The following KTN1 variants were observed in gnomAD, a reference collection of about 807,000 sequenced individuals.
KTN1 encodes kinectin 1.
Under a neutral mutation model 222.5 loss-of-function variants are expected in KTN1, and 130 were observed. The observed-to-expected ratio is 0.58, with a 90% CI of 0.51 to 0.68. KTN1 has a LOEUF of 0.68. Among genes scored for constraint, KTN1 ranks in the 30% least tolerant of loss-of-function variants. The pLI is 0.00. For missense variants in KTN1, 1,508 were observed against 1,500.4 expected (o/e 1.01, Z -0.08); for synonymous variants, 512 against 496.3 (o/e 1.03, Z -0.42).
intron 29 of KTN1, among the ~76,000 whole-genome samples, chr14:55,657,125 T>C (rs1181344334): frequency 1.3e-5 from 2 of 152,212 alleles, no homozygotes; most frequent in Non-Finnish European, 2.9e-5. Context: ...CTCCCTCTCA[T>C]GTAGGTTCAT....
At chr14:55,583,650 T>C (rs1356598257) in intron 1 of KTN1, among the ~76,000 whole-genome samples, 1 of 152,226 alleles carries the variant, frequency 6.6e-6, no homozygotes, top group East Asian at 1.9e-4. Flanking sequence ...AGTCCTTGTT[T>C]CACTTTTCTT....
intron 29 of KTN1, among the ~76,000 whole-genome samples, chr14:55,657,685 T>C (rs1682334677): frequency 6.6e-6 from 1 of 151,942 alleles, no homozygotes; most frequent in African/African-American, 2.4e-5. Flanking sequence ...CTGAGACAGG[T>C]GGATCTCTTG....
rs773454931 is a variant in KTN1 at position 55,637,809 on chromosome 14, G to T, written c.1747G>T (p.Ala583Ser). The T allele has an allele frequency of 6.2e-7, 1 of 1,611,260 alleles. No homozygotes were observed. Among genetic ancestry groups the T allele is most frequent in the South Asian group, 1.1e-5 (1 of 90,676 alleles). ...DILEQNEALK[A>S]QIQQFHSQIA... ...TTTGGAGCAGAATGAGGCTTTGAAAGCTCAAATTCAGCAGTTCCATTCCCA... is the reference window on the plus strand; with the variant it reads ...TTTGGAGCAGAATGAGGCTTTGAAATCTCAAATTCAGCAGTTCCATTCCCA... The change falls in exon 12 of 44, where the codon GCT (alanine) becomes TCT (serine). Residue 583 changes from alanine (A) to serine (S), a missense_variant. Coordinates refer to ENST00000395314, the MANE Select transcript of KTN1 (RefSeq NM_001079521.2).
chr14:55,617,789 G>C (rs2038595937), intron 3 of KTN1, among the ~76,000 whole-genome samples, 175 bp from the exon 4 acceptor site: 1 of 152,234 alleles, frequency 6.6e-6, no homozygotes, highest in Middle Eastern at 3.4e-3. Flanking sequence ...AGCTGGTACG[G>C]CTTCATTAGA....
At chr14:55,582,966 A>G (rs2032072978) in intron 1 of KTN1, among the ~76,000 whole-genome samples, 1 of 152,208 alleles carries the variant, frequency 6.6e-6, no homozygotes, top group Non-Finnish European at 1.5e-5. Flanking sequence ...CTCAAAGAGA[A>G]TTGCATTTCA....
chr14:55,581,812 C>G (rs968475358), intron 1 of KTN1, among the ~76,000 whole-genome samples: 4 of 151,960 alleles, frequency 2.6e-5, no homozygotes, highest in African/African-American at 7.3e-5. Flanking sequence ...AAGAATAACA[C>G]TAAATTACTC....
chr14:55,610,412 G>T (rs1429807032), intron 1 of KTN1, among the ~76,000 whole-genome samples: 1 of 152,134 alleles, frequency 6.6e-6, no homozygotes, highest in Non-Finnish European at 1.5e-5. Flanking sequence ...TGTTGTTACA[G>T]TTCTGGCAAA....
rs1373951586 is a variant in KTN1, at chr14:55,648,999, C to T, written c.2367+129C>T. 4.6e-6 allele frequency: 3 copies of T among 646,122 alleles called. No individual in the cohort carries two copies. The East Asian group carries it at 8.4e-5, about 18-fold the overall frequency. The allele number at this position is 646,122 out of a possible 1,614,324, so 40.0% of individuals were successfully genotyped here. On this transcript the variant is annotated intron_variant, in intron 21 of 43. Coordinates refer to ENST00000395314, the MANE Select transcript of KTN1 (RefSeq NM_001079521.2). ...GGAGTGCAGTGGTACAATCATAACTCACCGTAACCTCGAACTCCTGGGCTC... is the reference window on the plus strand; with the variant it reads ...GGAGTGCAGTGGTACAATCATAACTTACCGTAACCTCGAACTCCTGGGCTC...
chr14:55,627,129 A>G (rs185994576), intron 5 of KTN1, among the ~76,000 whole-genome samples: 8 of 152,316 alleles, frequency 5.3e-5, no homozygotes, highest in Admixed American at 5.2e-4. Flanking sequence ...GGTTACTGTC[A>G]TTCATAGCAG....
At chr14:55,646,166 C>T (rs2042255619) in intron 18 of KTN1, among the ~76,000 whole-genome samples, 2 of 152,124 alleles carry the variant, frequency 1.3e-5, no homozygotes, top group Non-Finnish European at 2.9e-5. Flanking sequence ...AAAGGGGACT[C>T]ATCTTACATG....
chr14:55,652,009 G>T, intron 25 of KTN1, 82 bp downstream of exon 25: 1 of 862,280 alleles, frequency 1.2e-6, no homozygotes, highest in Non-Finnish European at 1.8e-6. Context: ...ATAGCTTCTT[G>T]ATTTCAAGTG....
chr14:55,601,175 G>A (rs2035920547), intron 1 of KTN1, among the ~76,000 whole-genome samples: 1 of 152,126 alleles, frequency 6.6e-6, no homozygotes, highest in Non-Finnish European at 1.5e-5. Context: ...CTCATTTCTG[G>A]CATTAGTTGT....
At chr14:55,581,015 C>T (rs550454373) in intron 1 of KTN1, among the ~76,000 whole-genome samples, 1 of 152,254 alleles carries the variant, frequency 6.6e-6, no homozygotes, top group Non-Finnish European at 1.5e-5. Context: ...GGACCACTCT[C>T]GACACCGGCG....
intron 32 of KTN1, chr14:55,663,238 G>GA (rs769822276): frequency 7.8e-5 from 15 of 191,744 alleles, no homozygotes; most frequent in South Asian, 2.0e-4. Context: ...TTCTCATTCT[G>GA]AAAAAAAAGA....
At chr14:55,660,113 G>A (rs567763138) in intron 31 of KTN1, among the ~76,000 whole-genome samples, 3 of 152,138 alleles carry the variant, frequency 2.0e-5, no homozygotes, top group Non-Finnish European at 4.4e-5. Context: ...AGATGTGGTA[G>A]CTCACGCCTG....
At chr14:55,670,844 C>A in intron 35 of KTN1, 35 bp downstream of exon 35, 1 of 1,391,422 alleles carries the variant, frequency 7.2e-7, no homozygotes, top group Non-Finnish European at 1.0e-6. Flanking sequence ...GTAATTTAAA[C>A]ATAGAAAAAA....
At chr14:55,598,426 C>T (rs1273590386) in intron 1 of KTN1, among the ~76,000 whole-genome samples, 2 of 143,978 alleles carry the variant, frequency 1.4e-5, no homozygotes, top group Admixed American at 1.4e-4. Context: ...CAGAGCGAGA[C>T]TCCATCTCAA....
chr14:55,652,881 A>C lies in KTN1; in HGVS notation c.2635A>C (p.Met879Leu). The part of the protein sequence containing the change: ...LKGKEEQMNT[M>L]KAVLEEKEKD... ...AGGAAAAGAGGAACAGATGAATACCATGAAGGCTGTTTTGGAAGAGAAAGA... is the reference window on the plus strand; with the variant it reads ...AGGAAAAGAGGAACAGATGAATACCCTGAAGGCTGTTTTGGAAGAGAAAGA... The change falls in exon 26 of 44, where the codon ATG becomes CTG. Residue 879 changes from methionine to leucine, a missense_variant. Transcript: ENST00000395314. 6.2e-7 allele frequency: 1 copy of C among 1,610,306 alleles called. No individual in the cohort carries two copies. Among genetic ancestry groups the C allele is most frequent in the Non-Finnish European group, 8.5e-7 (1 of 1,177,294 alleles).
chr14:55,615,829 C>G (rs2038281005), intron 2 of KTN1, among the ~76,000 whole-genome samples: 1 of 151,178 alleles, frequency 6.6e-6, no homozygotes, highest in African/African-American at 2.4e-5. Flanking sequence ...TCCTTCCCTT[C>G]CCTTCCTTCT....
Sources: allele counts gnomAD v4.1 joint callset (sites outside exome capture counted in the v4.1 genomes callset), GRCh38; gene constraint gnomAD v4.1.1; transcripts MANE v1.5; gene names NCBI Gene and HGNC (gene_info 2026-07-23, HGNC 2026-07-21).